The following DPP7 variants were observed in gnomAD, a reference collection of about 807,000 sequenced individuals.
DPP7 encodes the protein dipeptidyl peptidase 2.
In DPP7, 74 loss-of-function variants were observed where a neutral mutation model predicts 58.8. The ratio of observed to expected loss-of-function variants is 1.26; its 90% CI spans 1.04 to 1.53. The LOEUF is 1.53. Among genes scored for constraint, DPP7 ranks in the 40% most tolerant of loss-of-function variants. The pLI is 0.00. For synonymous variants in DPP7, 350 were observed against 303.6 expected (o/e 1.15, Z -1.59); for missense variants, 807 against 692.3 (o/e 1.17, Z -1.86).
At chr9:137,112,081 G>C (rs116461626) in intron 9 of DPP7, 31 bp downstream of exon 9, 4 of 1,612,098 alleles carry the variant, frequency 2.5e-6, no homozygotes, top group East Asian at 4.5e-5. Context: ...CCTTGCCCCC[G>C]AGTGGTTCCA....
intron 8 of DPP7, 44 bp downstream of exon 8, chr9:137,112,701 C>T (rs761791313): frequency 1.3e-6 from 2 of 1,571,378 alleles, no homozygotes; most frequent in African/African-American, 2.7e-5. Flanking sequence ...CAAGCCAAGC[C>T]TGGGGTCTCC....
In DPP7 at chr9:137,114,521, G is replaced by A. The variant is rs762153783; in HGVS notation, c.123C>T (p.Asp41=). The A allele has an allele frequency of 2.3e-5, 36 of 1,581,524 alleles. No individual in the cohort carries two copies. Among genetic ancestry groups the A allele is most frequent in the Non-Finnish European group, 2.9e-5 (34 of 1,165,152 alleles). The change falls in exon 2 of 13, where the codon GAC becomes GAT. Residue 41 remains aspartate (D), a synonymous_variant. Coordinates refer to ENST00000371579, the MANE Select transcript of DPP7 (RefSeq NM_013379.3). ...TGCCGAAGCGCTCGAAGTTGAAGTGGTCCAGACGCTGCTGGAAGAAGCGCT... is the reference window on the plus strand; with the variant it reads ...TGCCGAAGCGCTCGAAGTTGAAGTGATCCAGACGCTGCTGGAAGAAGCGCT... ...FQERFFQQRL[D]HFNFERFGNK... is the part of the protein sequence containing the mutation.
At chr9:137,112,471 C>T (rs1461944286) in intron 8 of DPP7, 3 of 620,626 alleles carry the variant, frequency 4.8e-6, no homozygotes, top group South Asian at 4.0e-5. Context: ...GGGCCTGCTG[C>T]CCTCTGTTGC....
chr9:137,110,714 C>T lies in DPP7; in HGVS notation c.1413G>A (p.Glu471=), dbSNP rs1327697238. Reference sequence around the variant, plus strand: ...GCTCACGCCTGGCTGCCTTTACCCACTCGCCGATGATGGTGGCCTCCAGCT... The same window carrying T: ...GCTCACGCCTGGCTGCCTTTACCCATTCGCCGATGATGGTGGCCTCCAGCT... ...ARKLEATIIG[E]WVKAARREQQ... is the part of the protein sequence containing the mutation. Residue 471 remains glutamate (E), a synonymous_variant, in exon 13 of 13, where the codon GAG becomes GAA. Coordinates refer to ENST00000371579, the MANE Select transcript of DPP7 (RefSeq NM_013379.3). 1 of 1,608,290 alleles carries T rather than the reference C, an allele frequency of 6.2e-7. No homozygotes were observed. The highest frequency in any genetic ancestry group is 8.5e-7 in the Non-Finnish European group (1 of 1,179,916).
Position 137,110,662 on chromosome 9 carries a change from T to C in DPP7, c.1465A>G (p.Arg489Gly), listed in dbSNP as rs1238898678. 2 of 1,609,318 alleles carry C rather than the reference T, an allele frequency of 1.2e-6. No homozygotes were observed. Among genetic ancestry groups the C allele is most frequent in the African/African-American group, 2.7e-5 (2 of 74,230 alleles). Residue 489 changes from arginine to glycine, a missense_variant, in exon 13 of 13, where the codon AGA becomes GGA. By Grantham distance (125) the Arg-to-Gly change is moderately radical. This residue lies in a region of DPP7 where 624 missense variants were observed against 531.2 expected (regional missense o/e 1.17). Transcript: ENST00000371579. The part of the protein sequence containing the change: ...EQQPALRGGP[R>G]LSL ...CAGTCCTGTGCTCAGAGGCTGAGTC[T>C]GGGCCCCCCACGCAGAGCTGGCTGC...
Position 137,110,594 on chromosome 9 carries a change from C to G in DPP7, c.*54G>C. ...AGCCCCTTCCCTCTGCCGCCAGCTG[C>G]TTGAGTGAAGCCCCCACTCCATGAG... On this transcript the variant is annotated 3_prime_UTR_variant, in exon 13 of 13. Coordinates refer to ENST00000371579, the MANE Select transcript of DPP7 (RefSeq NM_013379.3). The G allele has an allele frequency of 6.3e-7, 1 of 1,577,780 alleles. No individual in the cohort carries two copies. The highest frequency in any genetic ancestry group is 8.6e-7 in the Non-Finnish European group (1 of 1,161,996).
chr9:137,112,212 G>T lies in DPP7; in HGVS notation c.950C>A (p.Ser317Ter). ...RALAGLVYNASGSEHCYDIYR... is the reference protein window; with the variant it reads ...RALAGLVYNA ...GATGTCGTAGCAGTGCTCGGAGCCC[G>T]AGGCGTTGTAGACCAGCCCTGGGGA... The change falls in exon 9 of 13, where the codon TCG (serine) becomes TAG (stop). Residue 317 changes from serine to a stop codon, truncating the protein, a stop_gained. Coordinates refer to ENST00000371579, the MANE Select transcript of DPP7 (RefSeq NM_013379.3). LOFTEE classifies it high-confidence loss of function. 1.2e-6 allele frequency: 2 copies of T among 1,601,532 alleles called. No individual in the cohort carries two copies. Among genetic ancestry groups the T allele is most frequent in the Non-Finnish European group, 8.5e-7 (1 of 1,179,260 alleles).
Position 137,110,615 on chromosome 9 carries a change from A to C in DPP7, c.*33T>G, listed in dbSNP as rs767888757. 3.2e-5 allele frequency: 51 copies of C among 1,597,558 alleles called. No individual in the cohort carries two copies. Among genetic ancestry groups the C allele is most frequent in the Non-Finnish European group, 4.2e-5 (49 of 1,172,628 alleles). ...GCTGCTTGAGTGAAGCCCCCACTCC[A>C]TGAGGAGCCTTGAGACCCCTCCAGT... On this transcript the variant is annotated 3_prime_UTR_variant, in exon 13 of 13. Transcript: ENST00000371579.
chr9:137,112,883 A>G (rs979989431), intron 7 of DPP7, 70 bp downstream of exon 7: 2 of 1,602,424 alleles, frequency 1.2e-6, no homozygotes, highest in African/African-American at 2.7e-5. Flanking sequence ...GATGAGGGTC[A>G]GGCCGCTGAC....
intron 11 of DPP7, 102 bp from the exon 12 acceptor site, chr9:137,111,052 AG>A: frequency 8.6e-7 from 1 of 1,167,566 alleles, no homozygotes; most frequent in Non-Finnish European, 1.2e-6. Flanking sequence ...GCCGAGACTC[AG>A]TGCCCATCAA....
chr9:137,111,065 C>G, intron 11 of DPP7, 115 bp from the exon 12 acceptor site: 1 of 1,046,512 alleles, frequency 9.6e-7, no homozygotes, highest in Non-Finnish European at 1.4e-6. Context: ...GCCCATCAAG[C>G]AACCAGAGAG....
intron 11 of DPP7, among the ~76,000 whole-genome samples, chr9:137,111,185 G>C (rs1486133551): frequency 6.6e-6 from 1 of 152,158 alleles, no homozygotes; most frequent in Non-Finnish European, 1.5e-5. Context: ...CACTCTGGGA[G>C]TAAGACAGGA....
At position 137,110,898 on chromosome 9, in the gene DPP7, G is replaced by A. The variant is rs766316021; in HGVS notation, c.1325C>T (p.Ala442Val). 13 of 1,612,672 alleles carry A rather than the reference G, an allele frequency of 8.1e-6. No individual in the cohort carries two copies. Among genetic ancestry groups the A allele is most frequent in the South Asian group, 3.3e-5 (3 of 91,026 alleles). The part of the protein sequence containing the change: ...SVIAVTIQGG[A>V]HHLDLRASHP... ...TCCGCACCTGAGGTCGAGGTGGTGCGCTCCCCCCTGGATGGTGACGGCGAT... is the reference window on the plus strand; with the variant it reads ...TCCGCACCTGAGGTCGAGGTGGTGCACTCCCCCCTGGATGGTGACGGCGAT... Residue 442 changes from alanine (A) to valine (V), a missense_variant, in exon 12 of 13, where the codon GCG becomes GTG. Physicochemically the swap from Ala to Val is moderately conservative, Grantham distance 64. Transcript: ENST00000371579.
intron 4 of DPP7, 173 bp from the exon 5 acceptor site, chr9:137,113,669 C>CA: frequency 7.0e-7 from 1 of 1,424,248 alleles, no homozygotes; most frequent in South Asian, 1.5e-5. Flanking sequence ...AGTGTGGCCG[C>CA]ACATCCAAGC....
rs1359773595 is a variant in DPP7, at chr9:137,113,408, C to A, written c.574G>T (p.Val192Leu). The part of the protein sequence containing the change: ...ALAASAPVLA[V>L]AGLGDSNQFF... ...TGGTTGGAGTCGCCGAGGCCTGCCA[C>A]AGCTAGAACGGGCGCGCTGGCCGCC... Residue 192 changes from valine (V) to leucine (L), a missense_variant, in exon 5 of 13, where the codon GTG becomes TTG. Transcript: ENST00000371579. 6.2e-7 allele frequency: 1 copy of A among 1,609,556 alleles called. No homozygotes were observed. The highest frequency in any genetic ancestry group is 1.7e-5 in the Admixed American group (1 of 59,836).
At chr9:137,112,719 C>T in intron 8 of DPP7, 26 bp downstream of exon 8, 3 of 1,585,972 alleles carry the variant, frequency 1.9e-6, no homozygotes, top group Non-Finnish European at 1.7e-6. Flanking sequence ...TCCACACTTG[C>T]CCATCTGGGG....
At chr9:137,110,829 G>C in intron 12 of DPP7, 46 bp from the exon 13 acceptor site, 2 of 1,602,604 alleles carry the variant, frequency 1.2e-6, no homozygotes, top group Non-Finnish European at 1.7e-6. Flanking sequence ...AGCCCTCGGT[G>C]AGCCTGTCCC....
chr9:137,111,021 A>G lies in DPP7; in HGVS notation c.1273-71T>C, dbSNP rs1245491964. The G allele has an allele frequency of 2.0e-6, 3 of 1,481,714 alleles. No individual in the cohort carries two copies. The African/African-American group carries it at 4.2e-5, about 21-fold the overall frequency. The allele number at this position is 1,481,714 out of a possible 1,614,324, so 91.8% of individuals were successfully genotyped here. A position where few individuals can be genotyped will look rare whatever the true frequency, so the allele number is the denominator to read the frequency against. On this transcript the variant is annotated intron_variant, in intron 11 of 12. Transcript: ENST00000371579. ...TGCCCAGCCTCCGTGGGCCCATTGG[A>G]GAGGAGACGTGAGAGGGCGAGCCGA...
upstream of DPP7, among the ~76,000 whole-genome samples, chr9:137,116,860 A>T (rs372085983): frequency 6.6e-6 from 1 of 152,336 alleles, no homozygotes; most frequent in East Asian, 1.9e-4. Flanking sequence ...TGCTGGCGGC[A>T]ATGCTGCTCT....
Sources: gnomAD v4.1 joint callset for allele counts (sites outside exome capture counted in the v4.1 genomes callset) on GRCh38, gnomAD v4.1.1 for gene constraint, gnomAD v4.1.1 regional missense constraint, MANE v1.5 for transcripts, NCBI Gene and HGNC (gene_info 2026-07-23, HGNC 2026-07-21) for gene names.